Variants in COMMD10 observed in about 807,000 individuals in gnomAD.
The protein encoded by COMMD10 is COMM domain containing 10, also known as COMM domain-containing protein 10.
Under a neutral mutation model 28.9 loss-of-function variants are expected in COMMD10, and 33 were observed. That is an observed-to-expected ratio of 1.14 (90% CI 0.87 to 1.53). COMMD10 has a LOEUF of 1.53. Among genes scored for constraint, COMMD10 ranks in the 40% most tolerant of loss-of-function variants. The pLI, the probability that COMMD10 is intolerant of heterozygous loss-of-function variation, is 0.00. For missense variants in COMMD10, 310 were observed against 233.4 expected, an observed-to-expected ratio of 1.33 and a Z score of -2.14; for synonymous variants, 110 against 81.7, an observed-to-expected ratio of 1.35 and a Z score of -1.87.
At chr5:116,227,289 C>T (rs1003538197) in intron 5 of COMMD10, among the ~76,000 whole-genome samples, 1 of 151,988 alleles carries the variant, frequency 6.6e-6, no homozygotes, top group Non-Finnish European at 1.5e-5. Context: ...TTCAACAGGG[C>T]TTGATTTCCT....
intron 4 of COMMD10, among the ~76,000 whole-genome samples, chr5:116,113,011 G>A (rs1751107659): frequency 6.6e-6 from 1 of 152,124 alleles, no homozygotes; most frequent in Non-Finnish European, 1.5e-5. Flanking sequence ...GACTGGTCTA[G>A]TTTTCATGAA....
intron 5 of COMMD10, among the ~76,000 whole-genome samples, chr5:116,170,082 A>G (rs1036400063): frequency 4.6e-5 from 7 of 152,154 alleles, no homozygotes; most frequent in African/African-American, 1.7e-4. Flanking sequence ...TTGTATATTT[A>G]GAAACCACAT....
intron 5 of COMMD10, among the ~76,000 whole-genome samples, chr5:116,234,442 A>G (rs153614): frequency 0.097 from 14,783 of 152,236 alleles, 889 homozygotes; most frequent in East Asian, 0.24. Context: ...GACAGGAACA[A>G]TTACCCATTG....
intron 5 of COMMD10, among the ~76,000 whole-genome samples, chr5:116,223,901 A>T (rs954119024): frequency 2.0e-5 from 3 of 152,140 alleles, no homozygotes; most frequent in African/African-American, 7.2e-5. Flanking sequence ...TCTTTGCTGA[A>T]CTGCTTAACA....
intron 4 of COMMD10, among the ~76,000 whole-genome samples, chr5:116,095,283 A>G (rs1750431792): frequency 6.6e-6 from 1 of 152,210 alleles, no homozygotes; most frequent in Non-Finnish European, 1.5e-5. Context: ...TATAACACAT[A>G]TCTCATAAAT....
chr5:116,246,279 G>T (rs1749949949), intron 5 of COMMD10, among the ~76,000 whole-genome samples: 1 of 152,034 alleles, frequency 6.6e-6, no homozygotes, highest in Admixed American at 6.6e-5. Flanking sequence ...GCTAACTAGG[G>T]AAGCAAAATA....
At chr5:116,196,196 C>A (rs550255538) in intron 5 of COMMD10, among the ~76,000 whole-genome samples, 3 of 152,092 alleles carry the variant, frequency 2.0e-5, no homozygotes, top group African/African-American at 7.2e-5. Context: ...CAAATAAATG[C>A]CCATCAACCA....
intron 5 of COMMD10, among the ~76,000 whole-genome samples, chr5:116,194,585 C>A (rs1339653841): frequency 6.6e-6 from 1 of 152,054 alleles, no homozygotes; most frequent in Admixed American, 6.6e-5. Flanking sequence ...GGATAAATTC[C>A]TGGAAAGATG....
intron 4 of COMMD10, among the ~76,000 whole-genome samples, chr5:116,132,202 A>T (rs1391367460): frequency 6.6e-6 from 1 of 152,072 alleles, no homozygotes; most frequent in East Asian, 1.9e-4. Context: ...CTGTAGAACA[A>T]ATTAGGTGAC....
Position 116,085,066 on chromosome 5 carries a change from C to T in COMMD10, c.14C>T (p.Ala5Val), listed in dbSNP as rs1378569089. 1.9e-6 allele frequency: 3 copies of T among 1,609,516 alleles called. No individual in the cohort carries two copies. The highest frequency in any genetic ancestry group is 1.3e-5 in the African/African-American group (1 of 74,850). Residue 5 changes from alanine to valine, a missense_variant, in exon 1 of 7, where the codon GCG becomes GTG. By Grantham distance (64) the Ala-to-Val change is moderately conservative. Transcript: ENST00000274458. The stretch of plus-strand genomic sequence containing the variant: ...AGAAAGCCGAAGATGGCGGTCCCCG[C>T]GGCGCTGATCCTACGGGAGAGCCCC... MAVP[A>V]ALILRESPSM... is the part of the protein sequence containing the mutation.
At chr5:116,247,966 TAAA>T (rs1378117172) in intron 5 of COMMD10, among the ~76,000 whole-genome samples, 17 of 150,910 alleles carry the variant, frequency 1.1e-4, no homozygotes, top group Non-Finnish European at 8.8e-5. Flanking sequence ...ACTTAAAAGT[TAAA>T]AAGATAACAC....
intron 4 of COMMD10, among the ~76,000 whole-genome samples, chr5:116,129,154 A>G (rs1480946977): frequency 6.6e-6 from 1 of 151,594 alleles, no homozygotes; most frequent in Non-Finnish European, 1.5e-5. Flanking sequence ...TGATTTTGAT[A>G]TAATTTATAT....
At chr5:116,221,134 C>A (rs938230637) in intron 5 of COMMD10, among the ~76,000 whole-genome samples, 1 of 148,512 alleles carries the variant, frequency 6.7e-6, no homozygotes, top group Non-Finnish European at 1.5e-5. Flanking sequence ...CTTTGAGATA[C>A]ACTTTCAGGT....
intron 5 of COMMD10, among the ~76,000 whole-genome samples, chr5:116,166,135 CT>C (rs1399261770): frequency 7.6e-6 from 1 of 131,074 alleles, no homozygotes; most frequent in African/African-American, 3.0e-5. Flanking sequence ...GGCACATGGA[CT>C]TGAGTCCATT....
chr5:116,288,577 A>G (rs1180332194), intron 5 of COMMD10, among the ~76,000 whole-genome samples: 2 of 151,640 alleles, frequency 1.3e-5, no homozygotes, highest in East Asian at 3.9e-4. Context: ...CCCATCATGC[A>G]TATATGGACC....
intron 5 of COMMD10, among the ~76,000 whole-genome samples, chr5:116,271,566 G>C (rs1296024074): frequency 1.3e-5 from 2 of 151,692 alleles, no homozygotes; most frequent in Non-Finnish European, 1.5e-5. Context: ...GACTAATGTG[G>C]TTTTTACTCC....
intron 5 of COMMD10, among the ~76,000 whole-genome samples, chr5:116,189,681 G>C (rs2112609934): frequency 6.6e-6 from 1 of 152,148 alleles, no homozygotes; most frequent in Admixed American, 6.5e-5. Flanking sequence ...ACAGCTGCCA[G>C]AACCCTAAAT....
intron 5 of COMMD10, among the ~76,000 whole-genome samples, chr5:116,241,401 TTC>T: frequency 6.6e-6 from 1 of 152,062 alleles, no homozygotes; most frequent in Non-Finnish European, 1.5e-5. Flanking sequence ...ATCTGTAATT[TTC>T]TGAGCCACCA....
At chr5:116,257,278 C>G (rs1750314360) in intron 5 of COMMD10, among the ~76,000 whole-genome samples, 1 of 151,520 alleles carries the variant, frequency 6.6e-6, no homozygotes, top group Non-Finnish European at 1.5e-5. Flanking sequence ...TTTCAGATTT[C>G]AGATTTTCAG....
Sources: allele counts gnomAD v4.1 joint callset (sites outside exome capture counted in the v4.1 genomes callset), GRCh38; gene constraint gnomAD v4.1.1; transcripts MANE v1.5; gene names NCBI Gene and HGNC (gene_info 2026-07-23, HGNC 2026-07-21).